The following RAB44 variants were observed in gnomAD, a reference collection of about 807,000 sequenced individuals.
RAB44 encodes RAB44, member RAS oncogene family.
In RAB44, 67 loss-of-function variants were observed where a neutral mutation model predicts 93.3. The ratio of observed to expected loss-of-function variants is 0.72; its 90% CI spans 0.59 to 0.88. RAB44 has a LOEUF of 0.88. RAB44 is among the 40% of genes least tolerant of loss of function. The probability of loss-of-function intolerance (pLI) is 0.00; values close to 1 mark genes in which losing one functional copy is unlikely to be tolerated. For missense variants in RAB44, 1,064 were observed against 1,261.7 expected (o/e 0.84, Z 2.37); for synonymous variants, 427 against 520.3 (o/e 0.82, Z 2.44).
chr6:36,721,089 G>T, intron 8 of RAB44, 62 bp from the exon 9 acceptor site: 1 of 1,228,866 alleles, frequency 8.1e-7, no homozygotes, highest in South Asian at 4.1e-5. Flanking sequence ...GCTGCAGGTG[G>T]GATGGGTGTG....
At chr6:36,699,676 C>T (rs1762467409) in intron 1 of RAB44, among the ~76,000 whole-genome samples, 1 of 152,192 alleles carries the variant, frequency 6.6e-6, no homozygotes, top group African/African-American at 2.4e-5. Context: ...ACCAGAAGAG[C>T]AGAGTCTGGT....
intron 1 of RAB44, among the ~76,000 whole-genome samples, chr6:36,702,933 AG>A (rs112357352): frequency 0.078 from 11,806 of 152,266 alleles, 1,228 homozygotes; most frequent in African/African-American, 0.24. Flanking sequence ...ACATGTGCTA[AG>A]GGGGCGGGGA....
chr6:36,723,723 T>C (rs1303304630), intron 9 of RAB44, among the ~76,000 whole-genome samples: 1 of 150,594 alleles, frequency 6.6e-6, no homozygotes, highest in Admixed American at 6.7e-5. Context: ...TAGTCCCAGC[T>C]ACTCGGGAGG....
At chr6:36,714,962 C>T (rs1053315709) in intron 3 of RAB44, among the ~76,000 whole-genome samples, 3 of 152,142 alleles carry the variant, frequency 2.0e-5, no homozygotes, top group African/African-American at 7.2e-5. Flanking sequence ...ACATGGTTTG[C>T]TCCTTCTTGT....
intron 1 of RAB44, among the ~76,000 whole-genome samples, chr6:36,699,359 T>C (rs9394374): frequency 0.11 from 17,201 of 152,190 alleles, 1,052 homozygotes; most frequent in South Asian, 0.19. Flanking sequence ...TCTTCCAGGA[T>C]TCTAACATCC....
chr6:36,699,798 T>G (rs1427411080), intron 1 of RAB44, among the ~76,000 whole-genome samples: 1 of 152,226 alleles, frequency 6.6e-6, no homozygotes, highest in Non-Finnish European at 1.5e-5. Flanking sequence ...GAACCTGGCT[T>G]TTATGTGCCT....
intron 1 of RAB44, among the ~76,000 whole-genome samples, chr6:36,703,932 G>T (rs983212433): frequency 6.6e-6 from 1 of 152,208 alleles, no homozygotes; most frequent in South Asian, 2.1e-4. Context: ...GGTCGGAGAA[G>T]ACTTTGATAG....
In RAB44 at chr6:36,721,752, G is replaced by T; in HGVS notation, c.1618G>T (p.Gly540Trp). The stretch of plus-strand genomic sequence containing the variant: ...CCCTGGGTCTTGGGCTCCTCCCAGC[G>T]GGGCTCAGCCTGGGGCTGGAGCAGG... ...KGPGSWAPPS[G>W]AQPGAGAGPQ... Residue 540 changes from glycine to tryptophan, a missense_variant, in exon 9 of 14, where the codon GGG becomes TGG. Coordinates refer to ENST00000612677, the MANE Select transcript of RAB44 (RefSeq NM_001257357.2). The T allele has an allele frequency of 8.1e-7, 1 of 1,234,412 alleles. No homozygotes were observed. The highest frequency in any genetic ancestry group is 3.2e-5 in the East Asian group (1 of 31,682). 76.5% of individuals were successfully genotyped at this position (1,234,412 alleles called of 1,614,324 possible).
Position 36,704,410 on chromosome 6 carries a change from G to C in RAB44, c.175G>C (p.Glu59Gln). 1 of 1,535,980 alleles carries C rather than the reference G, an allele frequency of 6.5e-7. No homozygotes were observed. Among genetic ancestry groups the C allele is most frequent in the Non-Finnish European group, 8.7e-7 (1 of 1,146,884 alleles). ...CTTCTTCCAGGACTGTGGTGCCAAGGAGAGGGGCTTTGTCACCCGCGAGGA... is the reference window on the plus strand; with the variant it reads ...CTTCTTCCAGGACTGTGGTGCCAAGCAGAGGGGCTTTGTCACCCGCGAGGA... The part of the protein sequence containing the change: ...QAFFQDCGAK[E>Q]RGFVTREDLA... Residue 59 changes from glutamate to glutamine, a missense_variant, in exon 2 of 14, where the codon GAG (glutamate) becomes CAG (glutamine). Glu to Gln is a conservative substitution (Grantham distance 29). Coordinates refer to ENST00000612677, the MANE Select transcript of RAB44 (RefSeq NM_001257357.2).
intron 4 of RAB44, among the ~76,000 whole-genome samples, chr6:36,715,971 C>T (rs577028443): frequency 1.3e-5 from 2 of 152,310 alleles, no homozygotes; most frequent in Admixed American, 6.5e-5. Context: ...GGAGGACTAG[C>T]GATTGGGCTC....
chr6:36,698,678 G>C (rs546320777), intron 1 of RAB44, among the ~76,000 whole-genome samples: 2 of 152,244 alleles, frequency 1.3e-5, no homozygotes, highest in East Asian at 3.9e-4. Flanking sequence ...TGCACTAAGG[G>C]GAAAGTGGTG....
chr6:36,702,331 A>G (rs1762530967), intron 1 of RAB44, among the ~76,000 whole-genome samples: 1 of 75,772 alleles, frequency 1.3e-5, no homozygotes, highest in Non-Finnish European at 3.1e-5. Flanking sequence ...AGAGAGAGAG[A>G]GAGAGAGAAT....
At chr6:36,703,661 C>T (rs569715610) in intron 1 of RAB44, among the ~76,000 whole-genome samples, 9 of 151,904 alleles carry the variant, frequency 5.9e-5, no homozygotes, top group East Asian at 3.9e-4. Flanking sequence ...TTCCATGCTG[C>T]GTGTGTCGAA....
chr6:36,707,119 T>C (rs1016273204), intron 2 of RAB44, among the ~76,000 whole-genome samples: 2 of 152,116 alleles, frequency 1.3e-5, no homozygotes, highest in Admixed American at 1.3e-4. Flanking sequence ...TAGGAGTTCC[T>C]GACTAGCCTG....
Position 36,710,531 on chromosome 6 carries a change from G to A in RAB44, c.208-3297G>A, listed in dbSNP as rs546530708. On this transcript the variant is annotated intron_variant, in intron 2 of 13. Coordinates refer to ENST00000612677, the MANE Select transcript of RAB44 (RefSeq NM_001257357.2). ...GCATACAAATATCTGGGTCTTTGCCGCTTTCTTTTGTACAACTTTTTTTTT... is the reference window on the plus strand; with the variant it reads ...GCATACAAATATCTGGGTCTTTGCCACTTTCTTTTGTACAACTTTTTTTTT... Among the ~76,000 whole-genome samples the A allele has an allele frequency of 3.8e-4, 57 of 150,204 alleles. 2 individuals are homozygous for A. The East Asian group carries it at 8.9e-3, about 23-fold the overall frequency.
At chr6:36,712,159 C>G (rs1762804869) in intron 2 of RAB44, among the ~76,000 whole-genome samples, 1 of 151,660 alleles carries the variant, frequency 6.6e-6, no homozygotes, top group African/African-American at 2.4e-5. Flanking sequence ...AAAAACTAGC[C>G]AGGTGTGGTG....
intron 9 of RAB44, 50 bp downstream of exon 9, chr6:36,722,783 AG>A (rs763176465): frequency 1.3e-6 from 2 of 1,544,880 alleles, no homozygotes; most frequent in South Asian, 2.4e-5. Flanking sequence ...CGCAGGGGCC[AG>A]GGCCAACGAG....
rs890123440 is a variant in RAB44 at position 36,717,351 on chromosome 6, G to A, written c.573G>A (p.Leu191=). 9 of 1,232,204 alleles carry A rather than the reference G, an allele frequency of 7.3e-6. No homozygotes were observed. The highest frequency in any genetic ancestry group is 8.1e-6 in the Non-Finnish European group (8 of 987,996). The allele number at this position is 1,232,204 out of a possible 1,614,324, so 76.3% of individuals were successfully genotyped here. A position where few individuals can be genotyped will look rare whatever the true frequency, so the allele number is the denominator to read the frequency against. ...TGGCAGGCAACCTGGCAGGCTTTCT[G>A]GCCAAGATGACCAGCCGCCTGCAGG... ...PQLAGNLAGF[L]AKMTSRLQEA... is the part of the protein sequence containing the mutation. Residue 191 remains leucine (L), a synonymous_variant, in exon 5 of 14, where the codon CTG becomes CTA. Transcript: ENST00000612677. The surrounding 1 kb of genome is among the most constrained non-coding windows in gnomAD (Gnocchi z 4.1).
chr6:36,718,491 A>G lies in RAB44; in HGVS notation c.733-2A>G, dbSNP rs1762983593. On this transcript the variant is annotated splice_acceptor_variant, in intron 6 of 13. Coordinates refer to ENST00000612677, the MANE Select transcript of RAB44 (RefSeq NM_001257357.2). LOFTEE classifies it high-confidence loss of function. ...TGAGGGCTGAATCTACCTACTCCAC[A>G]GAGCGACTCTCGGGGCCTGGCCCTC... is the stretch of plus-strand genomic sequence containing the variant. The G allele has an allele frequency of 1.6e-6, 2 of 1,228,654 alleles. No homozygotes were observed. Among genetic ancestry groups the G allele is most frequent in the Admixed American group, 4.2e-5 (1 of 23,694 alleles). The allele number at this position is 1,228,654 out of a possible 1,614,324, so 76.1% of individuals were successfully genotyped here. A position where few individuals can be genotyped will look rare whatever the true frequency, so the allele number is the denominator to read the frequency against.
Sources: gnomAD v4.1 joint callset for allele counts (sites outside exome capture counted in the v4.1 genomes callset) on GRCh38, gnomAD v4.1.1 for gene constraint, Gnocchi (gnomAD v3.1) non-coding constraint, MANE v1.5 for transcripts, NCBI Gene and HGNC (gene_info 2026-07-23, HGNC 2026-07-21) for gene names.